The following RGS6 variants were observed in gnomAD, a reference collection of about 807,000 sequenced individuals.
RGS6 encodes regulator of G-protein signaling 6.
A neutral mutation model predicts 78.5 loss-of-function variants in RGS6; 30 were observed. The observed-to-expected ratio is 0.38, with a 90% confidence interval of 0.29 to 0.52. The LOEUF (loss-of-function observed/expected upper bound fraction) is 0.52. Among genes scored for constraint, RGS6 ranks in the 20% least tolerant of loss-of-function variants. RGS6 has a pLI of 0.85. For synonymous variants in RGS6, 206 were observed against 206.0 expected, an observed-to-expected ratio of 1.00 and a Z score of 0.00; for missense variants, 495 against 609.7, an observed-to-expected ratio of 0.81 and a Z score of 1.98.
chr14:72,420,221 C>G (rs2094099972), intron 3 of RGS6, among the ~76,000 whole-genome samples: 1 of 152,164 alleles, frequency 6.6e-6, no homozygotes, highest in African/African-American at 2.4e-5. Context: ...TCTCACAATG[C>G]CAGGAGGGTG....
intron 2 of RGS6, among the ~76,000 whole-genome samples, chr14:72,183,687 A>G (rs145328861): frequency 6.6e-6 from 1 of 152,328 alleles, no homozygotes; most frequent in Non-Finnish European, 1.5e-5. Flanking sequence ...GTGGGAAAAG[A>G]GATATTGCAG....
chr14:72,256,828 G>A (rs2057180728), intron 2 of RGS6, among the ~76,000 whole-genome samples: 1 of 152,194 alleles, frequency 6.6e-6, no homozygotes, highest in African/African-American at 2.4e-5. Context: ...TTAGTAAACA[G>A]TAGTATGCTA....
the RGS6 span, among the ~76,000 whole-genome samples, chr14:72,582,363 A>G: frequency 3.7e-3 from 562 of 152,282 alleles, 4 homozygotes; most frequent in Non-Finnish European, 6.7e-3. Context: ...AGTCAACTTT[A>G]TATCCCCTGT....
intron 2 of RGS6, among the ~76,000 whole-genome samples, chr14:72,062,310 TGAG>T (rs1412449875): frequency 1.3e-5 from 2 of 151,844 alleles, no homozygotes; most frequent in Non-Finnish European, 2.9e-5. Flanking sequence ...GGTGAGCAAG[TGAG>T]GAGAGGTGGG....
At chr14:72,217,165 A>G (rs2045786694) in intron 2 of RGS6, among the ~76,000 whole-genome samples, 1 of 152,182 alleles carries the variant, frequency 6.6e-6, no homozygotes, top group South Asian at 2.1e-4. Context: ...GAAAACCCAC[A>G]TGCAGTGGAT....
intron 2 of RGS6, among the ~76,000 whole-genome samples, chr14:72,247,164 A>G (rs2054441074): frequency 6.6e-6 from 1 of 152,126 alleles, no homozygotes; most frequent in African/African-American, 2.4e-5. Context: ...CTTCTAACAC[A>G]TTGTAGTTTT....
At chr14:72,013,271 C>CAAAA (rs59579709) in intron 2 of RGS6, among the ~76,000 whole-genome samples, 19 of 77,030 alleles carry the variant, frequency 2.5e-4, no homozygotes, top group African/African-American at 8.3e-4. Context: ...ACTCCGTCTC[C>CAAAA]AAAAAAAAAA....
At chr14:72,260,770 A>G (rs1243057738) in intron 2 of RGS6, among the ~76,000 whole-genome samples, 1 of 152,232 alleles carries the variant, frequency 6.6e-6, no homozygotes, top group Non-Finnish European at 1.5e-5. Context: ...CTGTGAGCAT[A>G]TATACAGATG....
At chr14:72,044,293 C>A (rs1302955405) in intron 2 of RGS6, among the ~76,000 whole-genome samples, 1 of 152,106 alleles carries the variant, frequency 6.6e-6, no homozygotes, top group East Asian at 1.9e-4. Context: ...ACCCAGATAG[C>A]TAGAAAAGCA....
intron 2 of RGS6, among the ~76,000 whole-genome samples, chr14:72,154,451 A>G (rs1489300905): frequency 6.6e-6 from 1 of 152,252 alleles, no homozygotes; most frequent in Non-Finnish European, 1.5e-5. Flanking sequence ...TCCATATTAA[A>G]ATGAAATCTT....
intron 3 of RGS6, among the ~76,000 whole-genome samples, chr14:72,423,936 C>T (rs1441200926): frequency 6.6e-6 from 1 of 151,714 alleles, no homozygotes; most frequent in African/African-American, 2.4e-5. Context: ...TCATTCTCAT[C>T]CAGTCATTCA....
rs150437368 is a variant in RGS6, at chr14:72,323,159, A to G, written c.85-28936A>G. On this transcript the variant is annotated intron_variant, in intron 2 of 17. Coordinates refer to ENST00000553525, the MANE Select transcript of RGS6 (RefSeq NM_001204424.2). Reference sequence around the variant, plus strand: ...AAAACACAAAGAATCACATGGAAAAAATAGTATAAACAATAAGGAAATACA... The same window carrying G: ...AAAACACAAAGAATCACATGGAAAAGATAGTATAAACAATAAGGAAATACA... Among the ~76,000 whole-genome samples the G allele has an allele frequency of 4.6e-5, 7 of 152,308 alleles. No homozygotes were observed. The East Asian group carries it at 1.3e-3, about 29-fold the overall frequency.
intron 2 of RGS6, among the ~76,000 whole-genome samples, chr14:72,069,118 C>T (rs1050085552): frequency 1.3e-5 from 2 of 151,958 alleles, no homozygotes; most frequent in Admixed American, 1.3e-4. Flanking sequence ...ATTACAGGTG[C>T]ATGCCACCAC....
intron 2 of RGS6, among the ~76,000 whole-genome samples, chr14:72,344,215 G>T (rs998805855): frequency 1.3e-5 from 2 of 151,966 alleles, no homozygotes; most frequent in Admixed American, 6.6e-5. Flanking sequence ...AATGTTTTCC[G>T]TAAAAGTAAT....
chr14:72,352,297 A>C, intron 3 of RGS6, 103 bp downstream of exon 3: 1 of 740,430 alleles, frequency 1.4e-6, no homozygotes, highest in Admixed American at 2.9e-5. Flanking sequence ...GAATAGTAAA[A>C]ATGAAACATT....
chr14:72,298,540 C>T (rs557900845), intron 2 of RGS6, among the ~76,000 whole-genome samples: 6 of 149,142 alleles, frequency 4.0e-5, no homozygotes, highest in African/African-American at 9.9e-5. Flanking sequence ...CTCCGCCTCC[C>T]GGGTTCACCC....
At chr14:71,896,802 G>T in the RGS6 span, among the ~76,000 whole-genome samples, 1 of 152,206 alleles carries the variant, frequency 6.6e-6, no homozygotes, top group South Asian at 2.1e-4. Flanking sequence ...ACTGATTAGG[G>T]ATAACTTTCT....
chr14:72,463,012 G>A (rs571482301), intron 6 of RGS6, among the ~76,000 whole-genome samples: 1 of 152,286 alleles, frequency 6.6e-6, no homozygotes, highest in South Asian at 2.1e-4. Context: ...ATTGAAACTC[G>A]ATAAGCTCAA....
At chr14:71,948,987 A>G (rs976258689) in intron 1 of RGS6, among the ~76,000 whole-genome samples, 4 of 152,106 alleles carry the variant, frequency 2.6e-5, no homozygotes, top group Admixed American at 6.5e-5. Flanking sequence ...AAATTCATCT[A>G]TGTTGCAATG....
Sources: gnomAD v4.1 joint callset for allele counts (sites outside exome capture counted in the v4.1 genomes callset) on GRCh38, gnomAD v4.1.1 for gene constraint, MANE v1.5 for transcripts, NCBI Gene and HGNC (gene_info 2026-07-23, HGNC 2026-07-21) for gene names.